Variants in EDARADD observed in about 807,000 individuals in gnomAD.
The protein encoded by EDARADD is EDAR associated via death domain.
A neutral mutation model predicts 25.6 loss-of-function variants in EDARADD; 20 were observed. The ratio of observed to expected loss-of-function variants is 0.78; its 90% CI spans 0.55 to 1.14. EDARADD has a LOEUF of 1.14. Ranked by LOEUF, EDARADD falls within the 50% of genes most tolerant of loss-of-function variation. The pLI is 0.00. For synonymous variants in EDARADD, 86 were observed against 94.4 expected (o/e 0.91, Z 0.52); for missense variants, 225 against 270.1 (o/e 0.83, Z 1.17).
upstream of EDARADD, among the ~76,000 whole-genome samples, chr1:236,390,961 T>TATTATTATTATTATTA (rs3050726): frequency 6.6e-6 from 1 of 151,380 alleles, no homozygotes; most frequent in Non-Finnish European, 1.5e-5. Context: ...TTATTATTAT[T>TATTATTATTATTATTA]TTTTGAGATG....
At chr1:236,370,148 C>T (rs539904351) in intron 3 of EDARADD, among the ~76,000 whole-genome samples, 14 of 152,274 alleles carry the variant, frequency 9.2e-5, no homozygotes, top group African/African-American at 3.1e-4. Flanking sequence ...TGGCCAGGCA[C>T]GGTGGCTCAC....
chr1:236,434,449 A>G (rs182692410), intron 4 of EDARADD, among the ~76,000 whole-genome samples: 1 of 152,260 alleles, frequency 6.6e-6, no homozygotes, highest in African/African-American at 2.4e-5. Context: ...CATGTTGGCC[A>G]GGCTGATCTT....
chr1:236,430,964 T>C (rs774639439), intron 4 of EDARADD, among the ~76,000 whole-genome samples: 5 of 151,820 alleles, frequency 3.3e-5, no homozygotes, highest in African/African-American at 9.7e-5. Flanking sequence ...AAAACTACAA[T>C]AATTAGCAGG....
chr1:236,383,984 C>T lies in EDARADD; in HGVS notation c.-5-25232C>T, dbSNP rs146933313. Among the ~76,000 whole-genome samples, 506 of 152,222 alleles carry T rather than the reference C, an allele frequency of 3.3e-3. 5 individuals are homozygous for T. The highest frequency in any genetic ancestry group is 4.9e-3 in the Non-Finnish European group (330 of 68,016). On this transcript the variant is annotated intron_variant, in intron 3 of 7. Coordinates refer to the EDARADD transcript ENST00000439430. ...TGCCACTGCACTCTAGCCTGGGTGACAGAGTAACACCTTGTCTCAAAAAAA... is the reference window on the plus strand; with the variant it reads ...TGCCACTGCACTCTAGCCTGGGTGATAGAGTAACACCTTGTCTCAAAAAAA...
rs531889770 is a variant in EDARADD, at chr1:236,370,565, G to C, written c.-6+19726G>C. Among the ~76,000 whole-genome samples the C allele has an allele frequency of 1.2e-4, 19 of 152,286 alleles. No individual in the cohort carries two copies. In the East Asian group the frequency reaches 3.5e-3, roughly 28 times the overall value. On this transcript the variant is annotated intron_variant, in intron 3 of 7. Transcript: ENST00000439430. ...TTTTTAAGGATGACTTGGTGGGTAG[G>C]GGGAGGCCAGTGAGCCAGGAGTGCT...
chr1:236,364,484 G>A (rs1667087895), intron 3 of EDARADD, among the ~76,000 whole-genome samples: 1 of 152,174 alleles, frequency 6.6e-6, no homozygotes, highest in Admixed American at 6.5e-5. Flanking sequence ...GATCAACTTG[G>A]AGGAAACTGA....
chr1:236,467,518 T>C (rs1304489775), intron 4 of EDARADD, among the ~76,000 whole-genome samples: 1 of 151,922 alleles, frequency 6.6e-6, no homozygotes, highest in Non-Finnish European at 1.5e-5. Flanking sequence ...ATCCTGATTG[T>C]AAAAATGGAG....
chr1:236,399,269 C>T (rs1304185025), intron 1 of EDARADD, among the ~76,000 whole-genome samples: 1 of 152,140 alleles, frequency 6.6e-6, no homozygotes, highest in Non-Finnish European at 1.5e-5. Flanking sequence ...GTGACCTCCA[C>T]CTCCTGGGTT....
At chr1:236,369,863 A>AT (rs1667156063) in intron 3 of EDARADD, among the ~76,000 whole-genome samples, 1 of 151,686 alleles carries the variant, frequency 6.6e-6, no homozygotes, top group African/African-American at 2.4e-5. Context: ...AGCAAAAAAA[A>AT]ATTGTTATCA....
intron 5 of EDARADD, among the ~76,000 whole-genome samples, chr1:236,481,203 G>A (rs1659661142): frequency 6.6e-6 from 1 of 152,124 alleles, no homozygotes; most frequent in African/African-American, 2.4e-5. Context: ...TTTTTTACAG[G>A]CTGACAGGCT....
chr1:236,483,674 C>T lies in EDARADD; in HGVS notation c.*1025C>T. The T allele has an allele frequency of 1.3e-6, 2 of 1,572,982 alleles. No homozygotes were observed. Among genetic ancestry groups the T allele is most frequent in the Non-Finnish European group, 1.7e-6 (2 of 1,144,526 alleles). On this transcript the variant is annotated 3_prime_UTR_variant, in exon 6 of 6. Transcript: ENST00000334232. ...AGCTGGCCATGCAGGAGTTCATGGT[C>T]CTCCCAGTCGGTGCAGCAAACTTCA... is the stretch of plus-strand genomic sequence containing the variant.
chr1:236,438,763 T>A (rs1342468525), intron 4 of EDARADD, among the ~76,000 whole-genome samples: 1 of 152,122 alleles, frequency 6.6e-6, no homozygotes, highest in African/African-American at 2.4e-5. Context: ...CTGCCCCCAC[T>A]CATGCACAGC....
intron 3 of EDARADD, among the ~76,000 whole-genome samples, chr1:236,362,439 T>G (rs1572109331): frequency 6.6e-6 from 1 of 152,246 alleles, no homozygotes; most frequent in Admixed American, 6.5e-5. Context: ...TTATTTATGA[T>G]GGATACAAAT....
At chr1:236,372,703 G>T (rs1667185858) in intron 3 of EDARADD, among the ~76,000 whole-genome samples, 1 of 152,228 alleles carries the variant, frequency 6.6e-6, no homozygotes, top group Non-Finnish European at 1.5e-5. Context: ...TTCTGTTTTG[G>T]AAGGTTATTA....
chr1:236,459,204 T>C (rs1452635521), intron 4 of EDARADD, among the ~76,000 whole-genome samples: 2 of 152,132 alleles, frequency 1.3e-5, no homozygotes, highest in East Asian at 3.8e-4. Context: ...GTGAATGAAA[T>C]AGACAGGTGC....
At chr1:236,397,400 C>T (rs937751068) in intron 1 of EDARADD, among the ~76,000 whole-genome samples, 3 of 140,310 alleles carry the variant, frequency 2.1e-5, no homozygotes, top group African/African-American at 7.8e-5. Context: ...ACCTGTATCT[C>T]AAAATAAATA....
At position 236,409,275 on chromosome 1, in the gene EDARADD, G is replaced by T; in HGVS notation, c.120+1G>T. The T allele has an allele frequency of 6.2e-7, 1 of 1,609,620 alleles. No individual in the cohort carries two copies. The highest frequency in any genetic ancestry group is 8.5e-7 in the Non-Finnish European group (1 of 1,176,164). On this transcript the variant is annotated splice_donor_variant, in intron 2 of 5. Transcript: ENST00000334232. LOFTEE classifies it high-confidence loss of function. ...CCCTAGCACTTTATCCTTTAATATG[G>T]TAGGTGACAAATTTTACACTAATGG...
chr1:236,451,145 A>T (rs773048724), intron 4 of EDARADD, among the ~76,000 whole-genome samples: 1 of 152,112 alleles, frequency 6.6e-6, no homozygotes, highest in Non-Finnish European at 1.5e-5. Flanking sequence ...ATACTGTATG[A>T]CTGGAAACAT....
At position 236,474,601 on chromosome 1, in the gene EDARADD, T is replaced by C. The variant is rs191000616; in HGVS notation, c.265+6325T>C. Among the ~76,000 whole-genome samples, 212 of 152,350 alleles carry C rather than the reference T, an allele frequency of 1.4e-3. 1 individual carries two copies. Among genetic ancestry groups the C allele is most frequent in the African/African-American group, 4.3e-3 (178 of 41,586 alleles). On this transcript the variant is annotated intron_variant, in intron 5 of 5. Transcript: ENST00000334232. ...GTATTTTAAGACCAATTCTGTAGTA[T>C]TTTCCATCAATATCTATTTACTGCT...
Sources: allele counts gnomAD v4.1 joint callset (sites outside exome capture counted in the v4.1 genomes callset), GRCh38; gene constraint gnomAD v4.1.1; transcripts MANE v1.5; gene names NCBI Gene and HGNC (gene_info 2026-07-23, HGNC 2026-07-21).